Variants in ARID1B observed in about 807,000 individuals in gnomAD.
The protein encoded by ARID1B is AT-rich interaction domain 1B.
ARID1B carries 30 observed loss-of-function variants against 212.3 expected under a neutral mutation model. The ratio of observed to expected loss-of-function variants is 0.14; its 90% CI spans 0.11 to 0.19. The LOEUF is 0.19. Among genes scored for constraint, ARID1B ranks in the 10% least tolerant of loss-of-function variants. The pLI, the probability that ARID1B is intolerant of heterozygous loss-of-function variation, is 1.00. For missense variants in ARID1B, 2,891 were observed against 3,204.0 expected (o/e 0.90, Z 2.36); for synonymous variants, 1,402 against 1,301.7 (o/e 1.08, Z -1.66).
chr6:156,885,912 G>A (rs1232546636), intron 2 of ARID1B, among the ~76,000 whole-genome samples: 1 of 152,178 alleles, frequency 6.6e-6, no homozygotes, highest in Non-Finnish European at 1.5e-5. Context: ...TGTACAGGTT[G>A]AGTATCCCTC....
intron 4 of ARID1B, among the ~76,000 whole-genome samples, chr6:157,019,057 T>C (rs992333474): frequency 1.3e-5 from 2 of 152,050 alleles, no homozygotes; most frequent in Non-Finnish European, 2.9e-5. Context: ...AGGGGTGATA[T>C]CATATGGCAG....
At chr6:156,846,566 G>C (rs954759860) in intron 2 of ARID1B, among the ~76,000 whole-genome samples, 1 of 152,146 alleles carries the variant, frequency 6.6e-6, no homozygotes, top group Non-Finnish European at 1.5e-5. Context: ...CGGGGCTGCG[G>C]TGGTGGGGAG....
intron 4 of ARID1B, among the ~76,000 whole-genome samples, chr6:156,998,212 C>CTTT (rs569837054): frequency 2.9e-5 from 4 of 137,660 alleles, no homozygotes; most frequent in African/African-American, 2.7e-5. Context: ...ATCTCTCTCT[C>CTTT]TTTTTTTTTT....
chr6:156,783,779 C>T (rs1238256847), intron 1 of ARID1B, among the ~76,000 whole-genome samples: 1 of 152,100 alleles, frequency 6.6e-6, no homozygotes, highest in Non-Finnish European at 1.5e-5. Flanking sequence ...CGCTTTTTTG[C>T]CGGTGTCCTC....
intron 3 of ARID1B, among the ~76,000 whole-genome samples, chr6:156,916,990 G>C (rs1790410419): frequency 6.6e-6 from 1 of 152,156 alleles, no homozygotes; most frequent in East Asian, 1.9e-4. Context: ...GAGGTCTTCT[G>C]CTGGTCTGGA....
intron 3 of ARID1B, among the ~76,000 whole-genome samples, chr6:156,906,533 G>A (rs1490710505): frequency 3.0e-5 from 3 of 100,606 alleles, no homozygotes; most frequent in Admixed American, 1.7e-4. Flanking sequence ...CAACAAGAGC[G>A]AAACTCCATC....
chr6:157,192,086 A>T (rs1793419271), intron 15 of ARID1B, among the ~76,000 whole-genome samples: 1 of 152,202 alleles, frequency 6.6e-6, no homozygotes, highest in Admixed American at 6.5e-5. Flanking sequence ...AGGGCTGCTT[A>T]TTCCAAGTGA....
rs1015712615 is a variant in ARID1B at position 156,980,399 on chromosome 6, C to A, written c.2247+44823C>A. Among the ~76,000 whole-genome samples the A allele has an allele frequency of 2.0e-5, 3 of 152,204 alleles. No individual in the cohort carries two copies. In the South Asian group the frequency reaches 6.2e-4, roughly 32 times the overall value. ...TCAGGAGGTTGAGGCAAGAGAATTG[C>A]CTGAACCTGGGAGGTGGAGGTAGCA... On this transcript the variant is annotated intron_variant, in intron 4 of 19. Coordinates refer to ENST00000636930, the MANE Select transcript of ARID1B (RefSeq NM_001374828.1).
chr6:157,065,496 A>C (rs1293087330), intron 4 of ARID1B, among the ~76,000 whole-genome samples: 1 of 152,210 alleles, frequency 6.6e-6, no homozygotes, highest in East Asian at 1.9e-4. Context: ...CAAATACATC[A>C]AGCACTGCTT....
intron 4 of ARID1B, among the ~76,000 whole-genome samples, chr6:157,006,181 C>T (rs1779243344): frequency 6.6e-6 from 1 of 152,150 alleles, no homozygotes; most frequent in South Asian, 2.1e-4. Context: ...ATCTAGAGAC[C>T]ATCTGGAACC....
chr6:157,110,794 T>A (rs962373108), intron 6 of ARID1B: 1 of 573,640 alleles, frequency 1.7e-6, no homozygotes, highest in African/African-American at 1.9e-5. Context: ...AAAGAATGTG[T>A]GTGTCCACAT....
chr6:157,106,968 T>C (rs576431766), intron 5 of ARID1B, among the ~76,000 whole-genome samples: 165 of 152,316 alleles, frequency 1.1e-3, no homozygotes, highest in African/African-American at 3.9e-3. Flanking sequence ...AATTCGTGAG[T>C]GCAGGTTTGA....
In ARID1B at chr6:157,167,024, C is replaced by A. The variant is rs1583438352; in HGVS notation, c.3090-16C>A. The stretch of plus-strand genomic sequence containing the variant: ...GCATGGTCGGTATATGTGTGCTGTG[C>A]TTTCTCTTCCTGTAGGCAAGGCAGT... On this transcript the variant is annotated splice_polypyrimidine_tract_variant and intron_variant, in intron 8 of 19. Transcript: ENST00000636930. 2.5e-6 allele frequency: 4 copies of A among 1,608,448 alleles called. No individual in the cohort carries two copies. In the East Asian group the frequency reaches 6.7e-5, roughly 27 times the overall value.
chr6:157,041,221 C>G (rs572545512), intron 4 of ARID1B, among the ~76,000 whole-genome samples: 1 of 152,108 alleles, frequency 6.6e-6, no homozygotes, highest in African/African-American at 2.4e-5. Flanking sequence ...ATAGGATAAC[C>G]GTGCCTTGTA....
At position 157,208,159 on chromosome 6, in the gene ARID1B, A is replaced by C; in HGVS notation, c.*268A>C. 3.0e-6 allele frequency: 1 copy of C among 328,000 alleles called. No homozygotes were observed. 20.3% of individuals were successfully genotyped at this position (328,000 alleles called of 1,614,324 possible). A position where few individuals can be genotyped will look rare whatever the true frequency, so the allele number is the denominator to read the frequency against. ...CAAAGTTGCTGTCTAGTGCATTCAA[A>C]GGTCACTTTTTGTTCTTCACAGATC... On this transcript the variant is annotated 3_prime_UTR_variant, in exon 20 of 20. Transcript: ENST00000636930.
chr6:157,177,521 A>T (rs148492236), intron 11 of ARID1B, among the ~76,000 whole-genome samples: 196 of 152,364 alleles, frequency 1.3e-3, no homozygotes, highest in African/African-American at 4.3e-3. Flanking sequence ...TTGACAGTGT[A>T]CTGTGGACCA....
intron 2 of ARID1B, among the ~76,000 whole-genome samples, chr6:156,830,326 G>C (rs1438343369): frequency 6.6e-6 from 1 of 152,192 alleles, no homozygotes; most frequent in Non-Finnish European, 1.5e-5. Context: ...GCGTCCCATG[G>C]TGCGGCCGTC....
In ARID1B at chr6:156,989,791, T is replaced by C. The variant is rs151189708; in HGVS notation, c.2247+54215T>C. Among the ~76,000 whole-genome samples the C allele has an allele frequency of 2.0e-3, 306 of 152,162 alleles. 3 individuals carry two copies. Among genetic ancestry groups the C allele is most frequent in the Middle Eastern group, 0.014 (4 of 294 alleles). ...TCAAGAGTGCTGATGGCGGGGATAG[T>C]TGAGGTGATGGTGGGAGTGGCAGTA... On this transcript the variant is annotated intron_variant, in intron 4 of 19. Transcript: ENST00000636930.
rs1262831880 is a variant in ARID1B at position 157,201,676 on chromosome 6, A to T, written c.5263+188A>T. Among the ~76,000 whole-genome samples the T allele has an allele frequency of 6.6e-6, 1 of 152,234 alleles. No homozygotes were observed. Among genetic ancestry groups the T allele is most frequent in the Non-Finnish European group, 1.5e-5 (1 of 68,044 alleles). ...CTAATCTGAATTAAGAAATAGTGCC[A>T]GAAAGATTGGCCGGGCGCGGTGGCT... On this transcript the variant is annotated intron_variant, in intron 18 of 19. Transcript: ENST00000636930. The surrounding 1 kb of genome is among the most constrained non-coding windows in gnomAD (Gnocchi z 5.2).
Sources: gnomAD v4.1 joint callset for allele counts (sites outside exome capture counted in the v4.1 genomes callset) on GRCh38, gnomAD v4.1.1 for gene constraint, Gnocchi (gnomAD v3.1) non-coding constraint, MANE v1.5 for transcripts, NCBI Gene and HGNC (gene_info 2026-07-23, HGNC 2026-07-21) for gene names.